The following FAM174A variants were observed in gnomAD, a reference collection of about 807,000 sequenced individuals.
FAM174A encodes the protein family with sequence similarity 174 member A.
In FAM174A, 14 loss-of-function variants were observed where a neutral mutation model predicts 14.3. That is an observed-to-expected ratio of 0.98 (90% CI 0.65 to 1.53). The LOEUF (loss-of-function observed/expected upper bound fraction) is 1.53. Among genes scored for constraint, FAM174A ranks in the 40% most tolerant of loss-of-function variants. The pLI is 0.00. For missense variants in FAM174A, 241 were observed against 249.6 expected, an observed-to-expected ratio of 0.97 and a Z score of 0.23; for synonymous variants, 108 against 111.4, an observed-to-expected ratio of 0.97 and a Z score of 0.19.
chr5:100,556,257 T>C (rs976753419), intron 1 of FAM174A, among the ~76,000 whole-genome samples: 2 of 152,194 alleles, frequency 1.3e-5, no homozygotes, highest in African/African-American at 4.8e-5. Flanking sequence ...GTTGTAGATA[T>C]GTGGCATTAT....
chr5:100,554,144 A>C (rs1746316098), intron 1 of FAM174A, among the ~76,000 whole-genome samples: 1 of 152,130 alleles, frequency 6.6e-6, no homozygotes, highest in Non-Finnish European at 1.5e-5. Flanking sequence ...AGACTGACAA[A>C]AGGAAAGAGA....
rs763518688 is a variant in FAM174A, at chr5:100,535,951, G to T, written c.421G>T (p.Val141Phe). ...VSGAVLVYFVVRTVRMRRRNR... is the reference protein window; with the variant it reads ...VSGAVLVYFVFRTVRMRRRNR... ...CGGCGCGGTGCTGGTGTACTTCGTGGTCAGGACGGTCAGGTGAGGCAAAGC... is the reference window on the plus strand; with the variant it reads ...CGGCGCGGTGCTGGTGTACTTCGTGTTCAGGACGGTCAGGTGAGGCAAAGC... The change falls in exon 1 of 3, where the codon GTC becomes TTC. Residue 141 changes from valine to phenylalanine, a missense_variant. Transcript: ENST00000312637. 6.3e-7 allele frequency: 1 copy of T among 1,582,080 alleles called. No individual in the cohort carries two copies. Among genetic ancestry groups the T allele is most frequent in the Non-Finnish European group, 8.6e-7 (1 of 1,158,876 alleles).
intron 2 of FAM174A, among the ~76,000 whole-genome samples, chr5:100,580,060 T>G (rs1281514569): frequency 6.6e-6 from 1 of 152,202 alleles, no homozygotes; most frequent in Non-Finnish European, 1.5e-5. Flanking sequence ...AATAAACTTT[T>G]TGAAGGTATT....
At chr5:100,549,762 A>G (rs1235319210) in intron 1 of FAM174A, among the ~76,000 whole-genome samples, 1 of 152,052 alleles carries the variant, frequency 6.6e-6, no homozygotes, top group Non-Finnish European at 1.5e-5. Flanking sequence ...AAGCTAATAG[A>G]GAGGGTTTTT....
At chr5:100,544,262 T>C (rs1223199036) in intron 1 of FAM174A, among the ~76,000 whole-genome samples, 1 of 152,038 alleles carries the variant, frequency 6.6e-6, no homozygotes, top group African/African-American at 2.4e-5. Flanking sequence ...CTCAAGAAAC[T>C]GAAGTGAATC....
At chr5:100,573,798 A>C (rs1161160638) in intron 2 of FAM174A, among the ~76,000 whole-genome samples, 1 of 151,214 alleles carries the variant, frequency 6.6e-6, no homozygotes, top group Non-Finnish European at 1.5e-5. Context: ...ACAAAGCTGG[A>C]GGCATCACAC....
chr5:100,583,741 C>T (rs1354376698), intron 2 of FAM174A, among the ~76,000 whole-genome samples: 2 of 152,112 alleles, frequency 1.3e-5, no homozygotes, highest in African/African-American at 4.8e-5. Context: ...CAGTTTCCTC[C>T]AGCAGAACTT....
At chr5:100,564,056 T>C (rs1016591675) in intron 2 of FAM174A, among the ~76,000 whole-genome samples, 2 of 151,740 alleles carry the variant, frequency 1.3e-5, no homozygotes, top group African/African-American at 4.8e-5. Context: ...TGCTCCTCCT[T>C]GCTCCTATAT....
chr5:100,548,928 T>C (rs993242579), intron 1 of FAM174A, among the ~76,000 whole-genome samples: 2 of 152,106 alleles, frequency 1.3e-5, no homozygotes, highest in African/African-American at 2.4e-5. Flanking sequence ...TTCTCACTTA[T>C]GAAATAGAAG....
chr5:100,543,805 A>G (rs190276318), intron 1 of FAM174A, among the ~76,000 whole-genome samples: 30 of 152,232 alleles, frequency 2.0e-4, no homozygotes, highest in Middle Eastern at 3.4e-3. Flanking sequence ...ACATTTTTCA[A>G]GGATGGAATT....
At chr5:100,544,321 A>G (rs370495952) in intron 1 of FAM174A, among the ~76,000 whole-genome samples, 31 of 152,130 alleles carry the variant, frequency 2.0e-4, no homozygotes, top group African/African-American at 6.5e-4. Context: ...GTACCCCTGC[A>G]TCCCGGAAAC....
Position 100,535,505 on chromosome 5 carries a change from G to C in FAM174A, c.-26G>C. ...AGCGTGGCGGGCCTGGCGGCTCCCG[G>C]GTGGTGAGAGAGCGGTCCGGGAACG... is the stretch of plus-strand genomic sequence containing the variant. On this transcript the variant is annotated 5_prime_UTR_variant, in exon 1 of 3. Coordinates refer to ENST00000312637, the MANE Select transcript of FAM174A (RefSeq NM_198507.3). 2 of 1,608,172 alleles carry C rather than the reference G, an allele frequency of 1.2e-6. No homozygotes were observed. The highest frequency in any genetic ancestry group is 1.7e-6 in the Non-Finnish European group (2 of 1,177,394).
intron 1 of FAM174A, among the ~76,000 whole-genome samples, chr5:100,558,381 G>A (rs1017525189): frequency 6.6e-6 from 1 of 152,164 alleles, no homozygotes; most frequent in African/African-American, 2.4e-5. Context: ...TTTGGAATAG[G>A]TGTGGTGTGC....
chr5:100,568,240 A>C (rs2112391904), intron 2 of FAM174A, among the ~76,000 whole-genome samples: 1 of 152,020 alleles, frequency 6.6e-6, no homozygotes, highest in South Asian at 2.1e-4. Flanking sequence ...GAGCGTCTTC[A>C]AAATGGTTTC....
At chr5:100,556,821 A>G (rs920248079) in intron 1 of FAM174A, among the ~76,000 whole-genome samples, 1 of 152,322 alleles carries the variant, frequency 6.6e-6, no homozygotes, top group East Asian at 1.9e-4. Flanking sequence ...GAAGTTGCCT[A>G]TCAGCTTAAG....
intron 2 of FAM174A, among the ~76,000 whole-genome samples, chr5:100,575,620 A>T (rs1248581421): frequency 2.0e-5 from 3 of 152,196 alleles, no homozygotes. Context: ...GGACATAGGC[A>T]TGGGCAAGGA....
chr5:100,537,487 T>G (rs1485956558), intron 1 of FAM174A, among the ~76,000 whole-genome samples: 1 of 152,218 alleles, frequency 6.6e-6, no homozygotes, highest in Non-Finnish European at 1.5e-5. Flanking sequence ...AAAGTTGATA[T>G]GTGTAATTCA....
intron 1 of FAM174A, among the ~76,000 whole-genome samples, chr5:100,541,142 T>C (rs1159210193): frequency 6.6e-6 from 1 of 152,198 alleles, no homozygotes; most frequent in Non-Finnish European, 1.5e-5. Context: ...ATGACTGTTA[T>C]ATCTCTCAAA....
At chr5:100,571,417 TA>T (rs1256623739) in intron 2 of FAM174A, among the ~76,000 whole-genome samples, 2 of 151,584 alleles carry the variant, frequency 1.3e-5, no homozygotes, top group African/African-American at 4.8e-5. Flanking sequence ...ACTTCTCATG[TA>T]ATTGTAAATT....
Sources: allele counts gnomAD v4.1 joint callset (sites outside exome capture counted in the v4.1 genomes callset), GRCh38; gene constraint gnomAD v4.1.1; transcripts MANE v1.5; gene names NCBI Gene and HGNC (gene_info 2026-07-23, HGNC 2026-07-21).